The following DMC1 variants were observed in gnomAD, a reference collection of about 807,000 sequenced individuals.
The protein encoded by DMC1 is meiotic recombination protein DMC1 homolog.
In DMC1, 27 loss-of-function variants were observed where a neutral mutation model predicts 50.1. The observed-to-expected ratio is 0.54, with a 90% confidence interval of 0.40 to 0.74. The LOEUF (loss-of-function observed/expected upper bound fraction) is 0.74, where lower values mean the gene tolerates loss of function less well. Among genes scored for constraint, DMC1 ranks in the 30% least tolerant of loss-of-function variants. The pLI is 0.00. For synonymous variants in DMC1, 148 were observed against 136.1 expected (o/e 1.09, Z -0.61); for missense variants, 295 against 420.2 (o/e 0.70, Z 2.60).
chr22:38,521,495 G>C, intron 13 of DMC1, 113 bp downstream of exon 13: 1 of 709,094 alleles, frequency 1.4e-6, no homozygotes, highest in South Asian at 1.5e-5. Flanking sequence ...CTTGAGCCTA[G>C]GAGTTTGAGA....
intron 8 of DMC1, among the ~76,000 whole-genome samples, chr22:38,547,482 A>G (rs938796780): frequency 2.6e-5 from 4 of 152,062 alleles, no homozygotes; most frequent in African/African-American, 7.3e-5. Context: ...CTTCTTTGTT[A>G]TTAAAAAGAA....
intron 6 of DMC1, 145 bp downstream of exon 6, chr22:38,555,212 T>C: frequency 1.7e-6 from 1 of 605,668 alleles, no homozygotes. Flanking sequence ...TGATCTCATG[T>C]TATGATAATT....
chr22:38,557,971 T>TA (rs2090485945), intron 5 of DMC1, among the ~76,000 whole-genome samples: 1 of 135,062 alleles, frequency 7.4e-6, no homozygotes, highest in East Asian at 2.2e-4. Flanking sequence ...TTTTTTTTTT[T>TA]TTTTTTTTTG....
At chr22:38,547,229 G>T (rs2090352962) in intron 8 of DMC1, among the ~76,000 whole-genome samples, 2 of 152,138 alleles carry the variant, frequency 1.3e-5, no homozygotes, top group Admixed American at 6.6e-5. Flanking sequence ...ACACTATGTT[G>T]CCCAGGCTGG....
chr22:38,517,946 C>T (rs532214932), downstream of DMC1, among the ~76,000 whole-genome samples: 5 of 152,076 alleles, frequency 3.3e-5, no homozygotes, highest in Admixed American at 1.3e-4. Flanking sequence ...CTCAGCTTAA[C>T]CTTTCCCCTC....
chr22:38,556,968 C>T (rs181255860), intron 5 of DMC1, among the ~76,000 whole-genome samples: 2 of 152,142 alleles, frequency 1.3e-5, no homozygotes, highest in Non-Finnish European at 2.9e-5. Flanking sequence ...ATGGGCTAAG[C>T]GATCAACCCA....
At chr22:38,509,747 G>A in the DMC1 span, among the ~76,000 whole-genome samples, 1 of 151,984 alleles carries the variant, frequency 6.6e-6, no homozygotes, top group African/African-American at 2.4e-5. Context: ...TTGGTTCACT[G>A]CAACTTCTGC....
chr22:38,514,850 C>T (rs2089965292), downstream of DMC1, among the ~76,000 whole-genome samples: 1 of 152,132 alleles, frequency 6.6e-6, no homozygotes, highest in South Asian at 2.1e-4. Context: ...AATAATCTGC[C>T]CCTTGTTTAG....
intron 6 of DMC1, among the ~76,000 whole-genome samples, chr22:38,553,481 G>C (rs919985830): frequency 1.9e-4 from 27 of 140,336 alleles, no homozygotes; most frequent in Admixed American, 3.0e-4. Flanking sequence ...CTGGGTGACA[G>C]AGCGAGACTC....
chr22:38,526,455 A>G (rs8139022), intron 12 of DMC1, among the ~76,000 whole-genome samples: 1 of 151,836 alleles, frequency 6.6e-6, no homozygotes, highest in African/African-American at 2.4e-5. Flanking sequence ...TGATCTGCCC[A>G]CCTCAGCCTC....
Position 38,567,548 on chromosome 22 carries a change from C to G in DMC1, c.96+35G>C, listed in dbSNP as rs759761603. ...AGGTTGATGCTGAGAAATCCTGAAT[C>G]AGACAATTTAACACAGCATTGAAAA... is the stretch of plus-strand genomic sequence containing the variant. On this transcript the variant is annotated intron_variant, in intron 3 of 13. Coordinates refer to ENST00000216024, the MANE Select transcript of DMC1 (RefSeq NM_007068.4). The G allele has an allele frequency of 7.1e-6, 11 of 1,541,518 alleles. No homozygotes were observed. The African/African-American group carries it at 1.5e-4, about 21-fold the overall frequency.
At chr22:38,524,899 T>C (rs988809921) in intron 12 of DMC1, among the ~76,000 whole-genome samples, 2 of 151,902 alleles carry the variant, frequency 1.3e-5, no homozygotes, top group Non-Finnish European at 2.9e-5. Context: ...CCGTCTCTAC[T>C]AAAAATACAA....
chr22:38,567,638 T>C lies in DMC1; in HGVS notation c.52-11A>G. On this transcript the variant is annotated splice_polypyrimidine_tract_variant and intron_variant, in intron 2 of 13. Transcript: ENST00000216024. ...TTGAAACAAAGATTCCTAAAGGAGA[T>C]GAAACAGAAAAAATGAAGTTTTGAT... 1.3e-6 allele frequency: 2 copies of C among 1,599,828 alleles called. No homozygotes were observed. The highest frequency in any genetic ancestry group is 1.7e-6 in the Non-Finnish European group (2 of 1,167,080).
At chr22:38,544,940 A>T (rs1363631914) in intron 8 of DMC1, among the ~76,000 whole-genome samples, 1 of 151,818 alleles carries the variant, frequency 6.6e-6, no homozygotes, top group Admixed American at 6.6e-5. Context: ...CAGCAAAATA[A>T]ACTCTCTAAA....
intron 11 of DMC1, 28 bp downstream of exon 11, chr22:38,538,267 C>T (rs751890214): frequency 1.1e-5 from 17 of 1,566,732 alleles, no homozygotes; most frequent in Non-Finnish European, 1.3e-5. Context: ...AACATAGTCA[C>T]AGATGCCATT....
chr22:38,521,544 C>G (rs1439943766), intron 13 of DMC1, 64 bp downstream of exon 13: 10 of 374,642 alleles, frequency 2.7e-5, no homozygotes, highest in Non-Finnish European at 2.8e-5. Flanking sequence ...TCTCTACACA[C>G]ACACACACAC....
intron 7 of DMC1, among the ~76,000 whole-genome samples, chr22:38,550,686 T>A (rs970432752): frequency 2.0e-5 from 3 of 149,286 alleles, no homozygotes; most frequent in Admixed American, 2.0e-4. Context: ...ATCCCAGCAC[T>A]TTGGGAGGCC....
At chr22:38,538,101 A>G (rs180981826) in intron 11 of DMC1, among the ~76,000 whole-genome samples, 194 bp downstream of exon 11, 46 of 152,080 alleles carry the variant, frequency 3.0e-4, no homozygotes, top group African/African-American at 1.1e-3. Flanking sequence ...CCGAGATCGC[A>G]CCACTGCACT....
chr22:38,537,271 T>C (rs1161564283), intron 12 of DMC1, among the ~76,000 whole-genome samples: 2 of 152,154 alleles, frequency 1.3e-5, no homozygotes, highest in East Asian at 1.9e-4. Context: ...AGGAGTACAA[T>C]GGCGCGATCT....
Sources: allele counts gnomAD v4.1 joint callset (sites outside exome capture counted in the v4.1 genomes callset), GRCh38; gene constraint gnomAD v4.1.1; transcripts MANE v1.5; gene names NCBI Gene and HGNC (gene_info 2026-07-23, HGNC 2026-07-21).